Variants in GALNT11 observed in about 807,000 individuals in gnomAD.
The protein encoded by GALNT11 is UDP-GalNAc:polypeptide N-acetylgalactosaminyltransferase 11.
GALNT11 carries 47 observed loss-of-function variants against 72.7 expected under a neutral mutation model. The observed-to-expected ratio is 0.65, with a 90% CI of 0.51 to 0.82. The LOEUF is 0.82. Among genes scored for constraint, GALNT11 ranks in the 40% least tolerant of loss-of-function variants. GALNT11 has a pLI of 0.00. For missense variants in GALNT11, 677 were observed against 778.4 expected (o/e 0.87, Z 1.55); for synonymous variants, 270 against 286.6 (o/e 0.94, Z 0.58).
chr7:152,039,274 G>A (rs1417967379), intron 1 of GALNT11, among the ~76,000 whole-genome samples: 6 of 152,066 alleles, frequency 3.9e-5, no homozygotes, highest in Admixed American at 3.9e-4. Flanking sequence ...ATTTTTTCTT[G>A]CCAGGTTCAA....
At chr7:152,037,854 C>T (rs983086680) in intron 1 of GALNT11, among the ~76,000 whole-genome samples, 3 of 152,014 alleles carry the variant, frequency 2.0e-5, no homozygotes, top group Non-Finnish European at 4.4e-5. Context: ...CTGCAACCTC[C>T]ACCTCCTGGG....
At position 152,094,993 on chromosome 7, in the gene GALNT11, G is replaced by T. The variant is rs976886214; in HGVS notation, c.295+471G>T. Among the ~76,000 whole-genome samples the T allele has an allele frequency of 1.3e-5, 2 of 152,134 alleles. No homozygotes were observed. The highest frequency in any genetic ancestry group is 2.9e-5 in the Non-Finnish European group (2 of 68,030). ...TTGTTAATAAGGGAAAGAAATGGTT[G>T]AAAGTTTCCTTGACTGTATTTAACT... On this transcript the variant is annotated intron_variant, in intron 2 of 11. Coordinates refer to ENST00000430044, the MANE Select transcript of GALNT11 (RefSeq NM_022087.4). This position sits in a 1 kb window ranked among gnomAD's most constrained non-coding sequence, Gnocchi z 4.3.
At chr7:152,037,506 TGTG>T (rs1479665111) in intron 1 of GALNT11, among the ~76,000 whole-genome samples, 3 of 152,194 alleles carry the variant, frequency 2.0e-5, no homozygotes, top group Non-Finnish European at 4.4e-5. Context: ...GGTTAGATAA[TGTG>T]AAGTCAAGTA....
chr7:152,086,905 C>T (rs1453654997), intron 1 of GALNT11, among the ~76,000 whole-genome samples: 1 of 152,102 alleles, frequency 6.6e-6, no homozygotes, highest in Non-Finnish European at 1.5e-5. Context: ...AGTTTTTATA[C>T]TATTGTTGAA....
intron 10 of GALNT11, 110 bp from the exon 11 acceptor site, chr7:152,120,721 G>A: frequency 1.1e-6 from 1 of 929,974 alleles, no homozygotes. Context: ...CTAGTGCATT[G>A]GTCTGTTTCT....
chr7:152,027,148 C>G (rs1413840470), intron 1 of GALNT11, among the ~76,000 whole-genome samples: 1 of 152,120 alleles, frequency 6.6e-6, no homozygotes, highest in Non-Finnish European at 1.5e-5. Context: ...ACTTGGGAGG[C>G]TGAGGCAGGA....
intron 2 of GALNT11, among the ~76,000 whole-genome samples, chr7:152,096,037 ATAAAACACT>A: frequency 6.6e-6 from 1 of 152,238 alleles, no homozygotes; most frequent in Non-Finnish European, 1.5e-5. Context: ...ATCAAAAGTC[ATAAAACACT>A]TAAGAATAAA....
At chr7:152,078,500 C>T (rs571211293) in intron 1 of GALNT11, among the ~76,000 whole-genome samples, 25 of 152,214 alleles carry the variant, frequency 1.6e-4, no homozygotes, top group Non-Finnish European at 3.2e-4. Flanking sequence ...TGCGCCCGGC[C>T]GGAAGGAATA....
chr7:152,108,888 T>C (rs1409731729), intron 6 of GALNT11, among the ~76,000 whole-genome samples: 1 of 152,238 alleles, frequency 6.6e-6, no homozygotes, highest in Non-Finnish European at 1.5e-5. Context: ...CATTTGTTCT[T>C]GATTTGCCAG....
At chr7:152,077,256 T>A (rs1469640732) in intron 1 of GALNT11, among the ~76,000 whole-genome samples, 1 of 152,200 alleles carries the variant, frequency 6.6e-6, no homozygotes. Flanking sequence ...GATACTTTTC[T>A]GAAAAGCATC....
intron 8 of GALNT11, among the ~76,000 whole-genome samples, chr7:152,115,296 A>G (rs529336055): frequency 1.4e-4 from 22 of 152,330 alleles, no homozygotes; most frequent in African/African-American, 4.8e-4. Context: ...CTGGTGCCTT[A>G]GCATAAATCG....
At chr7:152,067,137 C>A (rs1360438426) in intron 1 of GALNT11, among the ~76,000 whole-genome samples, 1 of 152,170 alleles carries the variant, frequency 6.6e-6, no homozygotes, top group Non-Finnish European at 1.5e-5. Flanking sequence ...GGATTTGTTT[C>A]ATGTTTTGGG....
intron 1 of GALNT11, among the ~76,000 whole-genome samples, chr7:152,083,226 A>T (rs1410618390): frequency 1.3e-5 from 2 of 152,054 alleles, no homozygotes; most frequent in African/African-American, 4.8e-5. Context: ...TTTTAGTCCT[A>T]GCTAGAAAAA....
chr7:152,108,953 A>C (rs2087878252), intron 6 of GALNT11, among the ~76,000 whole-genome samples: 1 of 152,214 alleles, frequency 6.6e-6, no homozygotes, highest in African/African-American at 2.4e-5. Context: ...CAGAAGGTTC[A>C]CGTTTCAGTT....
intron 1 of GALNT11, among the ~76,000 whole-genome samples, chr7:152,093,601 G>A (rs2086184043): frequency 6.6e-6 from 1 of 151,712 alleles, no homozygotes; most frequent in Non-Finnish European, 1.5e-5. Context: ...GCTAATTTTT[G>A]TATTTTTGAT....
At chr7:152,026,834 T>C (rs1244964632) in intron 1 of GALNT11, among the ~76,000 whole-genome samples, 1 of 152,208 alleles carries the variant, frequency 6.6e-6, no homozygotes, top group Non-Finnish European at 1.5e-5. Flanking sequence ...AGACTCATGT[T>C]CCCCTACAAT....
At chr7:152,044,897 T>C (rs886893269) in intron 1 of GALNT11, among the ~76,000 whole-genome samples, 13 of 152,140 alleles carry the variant, frequency 8.5e-5, no homozygotes, top group African/African-American at 2.7e-4. Flanking sequence ...TCTTCCCCAA[T>C]TCAGTATGAT....
intron 8 of GALNT11, among the ~76,000 whole-genome samples, chr7:152,114,428 T>C (rs989591456): frequency 6.6e-6 from 1 of 152,230 alleles, no homozygotes; most frequent in Non-Finnish European, 1.5e-5. Context: ...CAGTTGAGCA[T>C]GGCGTTTTCA....
intron 8 of GALNT11, among the ~76,000 whole-genome samples, chr7:152,114,566 T>A (rs534540415): frequency 6.6e-6 from 1 of 152,136 alleles, no homozygotes; most frequent in South Asian, 2.1e-4. Context: ...TTTCCACTTT[T>A]TTTTTTTTTT....
Sources: gnomAD v4.1 joint callset for allele counts (sites outside exome capture counted in the v4.1 genomes callset) on GRCh38, gnomAD v4.1.1 for gene constraint, Gnocchi (gnomAD v3.1) non-coding constraint, MANE v1.5 for transcripts, NCBI Gene and HGNC (gene_info 2026-07-23, HGNC 2026-07-21) for gene names.